LIMCH1: variants seen among roughly 807,000 people sequenced by gnomAD.
The protein encoded by LIMCH1 is LIM and calponin homology domains-containing protein 1.
LIMCH1 carries 113 observed loss-of-function variants against 176.5 expected under a neutral mutation model. The observed-to-expected ratio is 0.64, with a 90% CI of 0.55 to 0.75. The LOEUF is 0.75. LIMCH1 is among the 30% of genes least tolerant of loss of function. The pLI is 0.00. For missense variants in LIMCH1, 1,674 were observed against 1,814.9 expected (o/e 0.92, Z 1.41); for synonymous variants, 619 against 645.9 (o/e 0.96, Z 0.63).
At chr4:41,420,954 A>T (rs1221851639) in intron 1 of LIMCH1, among the ~76,000 whole-genome samples, 2 of 152,228 alleles carry the variant, frequency 1.3e-5, no homozygotes, top group Non-Finnish European at 2.9e-5. Flanking sequence ...TACAAGGCTT[A>T]CTCAAGTAAC....
At chr4:41,586,553 T>C (rs1455382773) in intron 1 of LIMCH1, among the ~76,000 whole-genome samples, 1 of 152,216 alleles carries the variant, frequency 6.6e-6, no homozygotes, top group Non-Finnish European at 1.5e-5. Flanking sequence ...ATATGATAGA[T>C]AGTTTAAGCA....
chr4:41,470,291 C>T (rs371913533), intron 1 of LIMCH1, among the ~76,000 whole-genome samples: 42 of 152,310 alleles, frequency 2.8e-4, no homozygotes, highest in African/African-American at 9.6e-4. Context: ...GCATCTGTAC[C>T]CATTTACTCT....
rs1347985210 is a variant in LIMCH1, at chr4:41,445,364, GTTGA to G, written c.97-49164_97-49161del. On this transcript the variant is annotated intron_variant, in intron 1 of 26. Transcript: ENST00000313860. ...TATCTCAAACCTCTGATTGACAGCA[GTTGA>G]TTGATTGTCCATGAAAGGTGGACTT... Among the ~76,000 whole-genome samples the G allele has an allele frequency of 4.6e-5, 7 of 152,248 alleles. No individual in the cohort carries two copies. The East Asian group carries it at 1.4e-3, about 29-fold the overall frequency.
At chr4:41,468,166 TTTTTC>T (rs1312699229) in intron 1 of LIMCH1, among the ~76,000 whole-genome samples, 1 of 152,188 alleles carries the variant, frequency 6.6e-6, no homozygotes, top group African/African-American at 2.4e-5. Flanking sequence ...GGAAGTTTTA[TTTTTC>T]TTTTAAGTTT....
intron 3 of LIMCH1, among the ~76,000 whole-genome samples, chr4:41,527,164 A>G (rs1172221946): frequency 6.6e-6 from 1 of 152,250 alleles, no homozygotes; most frequent in Non-Finnish European, 1.5e-5. Flanking sequence ...ATAGTCCATT[A>G]TGATCTTTTA....
chr4:41,639,354 A>T (rs982455132), intron 14 of LIMCH1, among the ~76,000 whole-genome samples: 1 of 152,244 alleles, frequency 6.6e-6, no homozygotes, highest in Non-Finnish European at 1.5e-5. Context: ...TGAGGTAGTC[A>T]TTCCCATAGT....
intron 7 of LIMCH1, among the ~76,000 whole-genome samples, chr4:41,625,722 G>A (rs185089326): frequency 6.6e-6 from 1 of 152,080 alleles, no homozygotes; most frequent in African/African-American, 2.4e-5. Flanking sequence ...ACACCCAACG[G>A]AATTTGCAGC....
intron 1 of LIMCH1, among the ~76,000 whole-genome samples, chr4:41,545,717 GT>G (rs912255151): frequency 3.3e-5 from 5 of 152,170 alleles, no homozygotes; most frequent in Non-Finnish European, 5.9e-5. Context: ...ATCTCTTATG[GT>G]TGATCAGAAA....
chr4:41,463,092 T>A (rs1052813737), intron 1 of LIMCH1, among the ~76,000 whole-genome samples: 2 of 152,014 alleles, frequency 1.3e-5, no homozygotes, highest in African/African-American at 4.8e-5. Context: ...AATTGTCTTC[T>A]GTGCTACTAT....
chr4:41,587,903 A>G (rs1357397765), intron 1 of LIMCH1, among the ~76,000 whole-genome samples: 1 of 152,192 alleles, frequency 6.6e-6, no homozygotes, highest in Non-Finnish European at 1.5e-5. Flanking sequence ...AAAATACCGT[A>G]ACATATCAAA....
At position 41,631,147 on chromosome 4, in the gene LIMCH1, G is replaced by A; in HGVS notation, c.1272-1G>A. 6.6e-7 allele frequency: 1 copy of A among 1,510,228 alleles called. No individual in the cohort carries two copies. The allele number at this position is 1,510,228 out of a possible 1,614,324, so 93.6% of individuals were successfully genotyped here. ...TAGAACTTATTTCTGGTTTTGACTA[G>A]GGATGGAGATGTTCAGCACATCTGT... is the stretch of plus-strand genomic sequence containing the variant. On this transcript the variant is annotated splice_acceptor_variant, in intron 9 of 31. Coordinates refer to ENST00000503057, the MANE Select transcript of LIMCH1 (RefSeq NM_001330672.2). LOFTEE classifies it high-confidence loss of function.
rs1027567316 is a variant in LIMCH1 at position 41,620,541 on chromosome 4, C to T, written c.576C>T (p.Asp192=). 59 of 1,536,284 alleles carry T rather than the reference C, an allele frequency of 3.8e-5. No individual in the cohort carries two copies. The highest frequency in any genetic ancestry group is 1.1e-4 in the African/African-American group (8 of 73,046). ...CCGATGGTGGGTGTGAATTACCTGA[C>T]GGCAGTGGTAAGGAGCACCCTTCTT... The part of the protein sequence containing the change: ...KPSDGGCELP[D]GSGKEHPSSD... Residue 192 remains aspartate, a synonymous_variant, in exon 7 of 32, where the codon GAC becomes GAT. Coordinates refer to ENST00000503057, the MANE Select transcript of LIMCH1 (RefSeq NM_001330672.2).
intron 1 of LIMCH1, among the ~76,000 whole-genome samples, chr4:41,442,521 A>ATAACCAACTAGT (rs1336426888): frequency 6.6e-6 from 1 of 152,342 alleles, no homozygotes; most frequent in Admixed American, 6.5e-5. Flanking sequence ...AATTGGGTGT[A>ATAACCAACTAGT]TAACCAACTA....
intron 3 of LIMCH1, among the ~76,000 whole-genome samples, chr4:41,531,636 A>T (rs1475518758): frequency 6.6e-6 from 1 of 151,958 alleles, no homozygotes; most frequent in African/African-American, 2.4e-5. Flanking sequence ...GTCTGCTATG[A>T]CTAATGGTTA....
At chr4:41,551,486 G>T (rs2080411497) in intron 1 of LIMCH1, 1 of 152,030 alleles carries the variant, frequency 6.6e-6, no homozygotes, top group Non-Finnish European at 1.5e-5. Context: ...ATCTTCCAGG[G>T]GTAGGCTGTA....
At chr4:41,538,142 C>T, upstream of LIMCH1, 21 of 985,404 alleles carry the variant, frequency 2.1e-5, no homozygotes, top group Non-Finnish European at 2.5e-5. Context: ...TCTTCCAGTT[C>T]CCTTTCACTG....
At chr4:41,386,695 C>T (rs1484767619) in intron 1 of LIMCH1, among the ~76,000 whole-genome samples, 3 of 152,230 alleles carry the variant, frequency 2.0e-5, no homozygotes, top group South Asian at 2.1e-4. Flanking sequence ...CATGACCTGG[C>T]GTCATGTGGG....
intron 23 of LIMCH1, among the ~76,000 whole-genome samples, chr4:41,677,159 TA>T (rs749513054): frequency 5.0e-3 from 590 of 118,572 alleles, no homozygotes; most frequent in African/African-American, 8.9e-3. Context: ...TGAGAATGTC[TA>T]AAAAAAAAAA....
In LIMCH1 at chr4:41,689,499, T is replaced by G. The variant is rs764736814; in HGVS notation, c.4167-28T>G. ...GACCAGGTATTCTAAACTGAAGTTT[T>G]TATTCTTATGTATATTTTTAAACCT... On this transcript the variant is annotated intron_variant, in intron 29 of 31. Coordinates refer to ENST00000503057, the MANE Select transcript of LIMCH1 (RefSeq NM_001330672.2). The G allele has an allele frequency of 5.5e-6, 7 of 1,276,052 alleles. No individual in the cohort carries two copies. The Admixed American group carries it at 1.2e-4, about 22-fold the overall frequency. The allele number at this position is 1,276,052 out of a possible 1,614,324, so 79.0% of individuals were successfully genotyped here. A position where few individuals can be genotyped will look rare whatever the true frequency, so the allele number is the denominator to read the frequency against.
Sources: allele counts gnomAD v4.1 joint callset (sites outside exome capture counted in the v4.1 genomes callset), GRCh38; gene constraint gnomAD v4.1.1; transcripts MANE v1.5; gene names NCBI Gene and HGNC (gene_info 2026-07-23, HGNC 2026-07-21).